IPO8: variants seen among roughly 807,000 people sequenced by gnomAD.
IPO8 encodes importin 8, also known as importin-8.
In IPO8, 65 loss-of-function variants were observed where a neutral mutation model predicts 141.2. The observed-to-expected ratio is 0.46, with a 90% confidence interval of 0.38 to 0.57. The LOEUF is 0.57. Among genes scored for constraint, IPO8 ranks in the 20% least tolerant of loss-of-function variants. The probability of loss-of-function intolerance (pLI) is 0.00; values close to 1 mark genes in which losing one functional copy is unlikely to be tolerated. For synonymous variants in IPO8, 411 were observed against 420.3 expected (o/e 0.98, Z 0.27); for missense variants, 980 against 1,246.8 (o/e 0.79, Z 3.22).
intron 2 of IPO8, 86 bp downstream of exon 2, chr12:30,690,410 A>C (rs1366461297): frequency 2.5e-6 from 2 of 805,824 alleles, no homozygotes; most frequent in Non-Finnish European, 4.1e-6. Context: ...ATTTTTCAAT[A>C]AATTACAGAT....
At chr12:30,646,216 A>G (rs946938812) in intron 20 of IPO8, among the ~76,000 whole-genome samples, 2 of 152,236 alleles carry the variant, frequency 1.3e-5, no homozygotes, top group African/African-American at 4.8e-5. Context: ...CTGAAAATCA[A>G]TTAATGTAAT....
Position 30,629,316 on chromosome 12 carries a change from G to A in IPO8, c.*1544C>T, listed in dbSNP as rs1447775283. The A allele has an allele frequency of 6.6e-6, 1 of 152,170 alleles. No individual in the cohort carries two copies. Among genetic ancestry groups the A allele is most frequent in the Non-Finnish European group, 1.5e-5 (1 of 68,036 alleles). 9.4% of individuals were successfully genotyped at this position (152,170 alleles called of 1,614,324 possible). A position where few individuals can be genotyped will look rare whatever the true frequency, so the allele number is the denominator to read the frequency against. On this transcript the variant is annotated 3_prime_UTR_variant, in exon 25 of 25. Transcript: ENST00000256079. ...AAAATTTCTCCCAATGCCATCTTTC[G>A]CTTCTAACTGCCAGTTGGCACATTC...
In IPO8 at chr12:30,656,828, T is replaced by C. The variant is rs1339910557; in HGVS notation, c.1882-78A>G. On this transcript the variant is annotated intron_variant, in intron 16 of 24. Coordinates refer to ENST00000256079, the MANE Select transcript of IPO8 (RefSeq NM_006390.4). ...ATTTAATATTGTGCCAATAAAAATA[T>C]CAAGAGGACATTTTTGAGACGGTAA... 8 of 663,290 alleles carry C rather than the reference T, an allele frequency of 1.2e-5. No homozygotes were observed. In the African/African-American group the frequency reaches 1.3e-4, roughly 11 times the overall value. The allele number at this position is 663,290 out of a possible 1,614,324, so 41.1% of individuals were successfully genotyped here. A position where few individuals can be genotyped will look rare whatever the true frequency, so the allele number is the denominator to read the frequency against.
intron 2 of IPO8, chr12:30,686,400 T>C (rs1239889274): frequency 6.6e-6 from 1 of 152,184 alleles, no homozygotes; most frequent in Non-Finnish European, 1.5e-5. Flanking sequence ...CAGGCTGGAG[T>C]CCAGGGGCAC....
At position 30,629,881 on chromosome 12, in the gene IPO8, T is replaced by C. The variant is rs1053763156; in HGVS notation, c.*979A>G. On this transcript the variant is annotated 3_prime_UTR_variant, in exon 25 of 25. Transcript: ENST00000256079. ...TTAAAAAAAAATATTATAAAATGCT[T>C]TGGACCCTAGTCCAACATAGCTGGA... 1 of 152,178 alleles carries C rather than the reference T, an allele frequency of 6.6e-6. No homozygotes were observed. Among genetic ancestry groups the C allele is most frequent in the Non-Finnish European group, 1.5e-5 (1 of 68,032 alleles). The allele number at this position is 152,178 out of a possible 1,614,324, so 9.4% of individuals were successfully genotyped here.
intron 22 of IPO8, among the ~76,000 whole-genome samples, chr12:30,634,513 G>A (rs2052476040): frequency 6.6e-6 from 1 of 152,098 alleles, no homozygotes; most frequent in Non-Finnish European, 1.5e-5. Flanking sequence ...TTGCTAAGTT[G>A]AGAATGTCCT....
chr12:30,661,331 T>G (rs1006918619), intron 15 of IPO8, 65 bp from the exon 16 acceptor site: 2 of 1,425,262 alleles, frequency 1.4e-6, no homozygotes, highest in African/African-American at 2.9e-5. Context: ...TTTACAAAAG[T>G]TAGCAAAATG....
intron 8 of IPO8, among the ~76,000 whole-genome samples, chr12:30,671,846 C>G (rs1160783487): frequency 1.3e-5 from 2 of 151,758 alleles, no homozygotes; most frequent in African/African-American, 2.4e-5. Context: ...AACTGATTAG[C>G]CCCCTGAAAA....
At chr12:30,642,637 T>C (rs2052590336) in intron 20 of IPO8, among the ~76,000 whole-genome samples, 1 of 151,040 alleles carries the variant, frequency 6.6e-6, no homozygotes, top group African/African-American at 2.4e-5. Flanking sequence ...GATATATAAA[T>C]AGTACATATT....
chr12:30,687,291 T>A (rs1459940062), intron 2 of IPO8, among the ~76,000 whole-genome samples: 1 of 152,230 alleles, frequency 6.6e-6, no homozygotes, highest in Non-Finnish European at 1.5e-5. Context: ...TAAATGTATT[T>A]CAGATTCTAT....
intron 17 of IPO8, among the ~76,000 whole-genome samples, chr12:30,654,672 C>A (rs1352090523): frequency 6.6e-6 from 1 of 151,710 alleles, no homozygotes; most frequent in Non-Finnish European, 1.5e-5. Context: ...ATCATATCTA[C>A]GAGAATGTCT....
Position 30,656,679 on chromosome 12 carries a change from CT to C in IPO8, c.1948+4del. On this transcript the variant is annotated splice_donor_region_variant and intron_variant, in intron 17 of 24. Transcript: ENST00000256079. The stretch of plus-strand genomic sequence containing the variant: ...TTTATCTTTTTATTTAACCTTTGAA[CT>C]TACCAATTACATGTTTCTGCAGAAC... 1 of 1,523,812 alleles carries C rather than the reference CT, an allele frequency of 6.6e-7. No homozygotes were observed. Among genetic ancestry groups the C allele is most frequent in the Non-Finnish European group, 8.9e-7 (1 of 1,118,552 alleles). The allele number at this position is 1,523,812 out of a possible 1,614,324, so 94.4% of individuals were successfully genotyped here. A position where few individuals can be genotyped will look rare whatever the true frequency, so the allele number is the denominator to read the frequency against.
rs1008167505 is a variant in IPO8, at chr12:30,636,832, C to A, written c.2695+150G>T. 1.2e-5 allele frequency: 8 copies of A among 661,884 alleles called. No individual in the cohort carries two copies. In the African/African-American group the frequency reaches 1.5e-4, roughly 12 times the overall value. 41.0% of individuals were successfully genotyped at this position (661,884 alleles called of 1,614,324 possible). ...TTATATAGCATGATACAATTAATAG[C>A]AAGTCAACCAAGCCCAAAATATTTG... On this transcript the variant is annotated intron_variant, in intron 22 of 24. Transcript: ENST00000256079.
intron 20 of IPO8, among the ~76,000 whole-genome samples, chr12:30,641,478 A>C (rs1358242469): frequency 1.4e-5 from 2 of 147,698 alleles, no homozygotes; most frequent in African/African-American, 5.1e-5. Context: ...CCGTTACCAA[A>C]AAATTAAGCT....
intron 5 of IPO8, chr12:30,676,915 T>C (rs1274416570): frequency 6.5e-6 from 10 of 1,530,238 alleles, no homozygotes; most frequent in Admixed American, 2.0e-5. Flanking sequence ...GGTCAAACTT[T>C]CCATTTTAAC....
chr12:30,669,305 ACGT>A, intron 9 of IPO8, 23 bp from the exon 10 acceptor site: 6 of 1,032,142 alleles, frequency 5.8e-6, no homozygotes, highest in Non-Finnish European at 8.4e-6. Context: ...AAAAAAAAAA[ACGT>A]AACAAATGGG....
At chr12:30,665,068 C>T (rs2052943087) in intron 13 of IPO8, 152 bp downstream of exon 13, 1 of 580,492 alleles carries the variant, frequency 1.7e-6, no homozygotes, top group Non-Finnish European at 3.0e-6. Flanking sequence ...ATAGTCTGTC[C>T]TTTATTCAGC....
At chr12:30,664,335 A>G (rs1422126648) in intron 13 of IPO8, among the ~76,000 whole-genome samples, 3 of 152,208 alleles carry the variant, frequency 2.0e-5, no homozygotes, top group African/African-American at 7.2e-5. Flanking sequence ...ATTTTATAAA[A>G]TGCTTTCTAG....
chr12:30,633,197 G>C (rs2052457376), intron 23 of IPO8, among the ~76,000 whole-genome samples: 1 of 152,032 alleles, frequency 6.6e-6, no homozygotes, highest in Non-Finnish European at 1.5e-5. Flanking sequence ...AATGTTATTT[G>C]TAGCAACACT....
Sources: allele counts gnomAD v4.1 joint callset (sites outside exome capture counted in the v4.1 genomes callset), GRCh38; gene constraint gnomAD v4.1.1; transcripts MANE v1.5; gene names NCBI Gene and HGNC (gene_info 2026-07-23, HGNC 2026-07-21).